The following ARL15 variants were observed in gnomAD, a reference collection of about 807,000 sequenced individuals.
The protein encoded by ARL15 is ADP-ribosylation factor-like protein 15.
ARL15 carries 19 observed loss-of-function variants against 25.2 expected under a neutral mutation model. The observed-to-expected ratio is 0.75, with a 90% confidence interval of 0.53 to 1.10. ARL15 has a LOEUF of 1.10. Among genes scored for constraint, ARL15 ranks in the 50% least tolerant of loss-of-function variants. The pLI, the probability that ARL15 is intolerant of heterozygous loss-of-function variation, is 0.00. For missense variants in ARL15, 220 were observed against 246.0 expected (o/e 0.89, Z 0.71); for synonymous variants, 94 against 86.8 (o/e 1.08, Z -0.46).
intron 4 of ARL15, among the ~76,000 whole-genome samples, chr5:53,986,483 G>T (rs986911472): frequency 1.3e-5 from 2 of 152,172 alleles, no homozygotes; most frequent in Non-Finnish European, 2.9e-5. Flanking sequence ...AATGTAGACT[G>T]CCAGCCTCCA....
At chr5:53,908,068 T>C (rs1321474571) in intron 4 of ARL15, among the ~76,000 whole-genome samples, 2 of 152,218 alleles carry the variant, frequency 1.3e-5, no homozygotes, top group African/African-American at 4.8e-5. Context: ...AGTTTCGCTT[T>C]CCGTGGTTTC....
At chr5:54,005,423 T>G (rs987949190) in intron 4 of ARL15, among the ~76,000 whole-genome samples, 11 of 152,140 alleles carry the variant, frequency 7.2e-5, no homozygotes, top group African/African-American at 2.7e-4. Context: ...TTTAACACTT[T>G]TAAGAATGCT....
At chr5:54,113,045 A>G (rs1308402791) in intron 4 of ARL15, 157 bp downstream of exon 4, 2 of 697,870 alleles carry the variant, frequency 2.9e-6, no homozygotes, top group African/African-American at 3.6e-5. Context: ...GTGCTAACAG[A>G]TTGATATAGG....
At chr5:54,286,010 T>C (rs16882580) in intron 1 of ARL15, among the ~76,000 whole-genome samples, 9,617 of 152,252 alleles carry the variant, frequency 0.063, 368 homozygotes, top group African/African-American at 0.096. Flanking sequence ...ACTTCAGAAC[T>C]GGCATCTCCT....
intron 4 of ARL15, among the ~76,000 whole-genome samples, chr5:53,980,864 C>T (rs1208277284): frequency 6.6e-6 from 1 of 152,096 alleles, no homozygotes; most frequent in African/African-American, 2.4e-5. Context: ...TCTTGCAGTC[C>T]CAGCTACTTG....
intron 1 of ARL15, among the ~76,000 whole-genome samples, chr5:54,210,439 A>G (rs1290250647): frequency 6.6e-6 from 1 of 152,208 alleles, no homozygotes; most frequent in Non-Finnish European, 1.5e-5. Context: ...GGCTTCACTC[A>G]TTACGTTATT....
At chr5:53,945,917 A>G (rs1047182238) in intron 4 of ARL15, among the ~76,000 whole-genome samples, 2 of 152,232 alleles carry the variant, frequency 1.3e-5, no homozygotes, top group Non-Finnish European at 2.9e-5. Context: ...GGTACCCAGC[A>G]TCAGACAGCA....
At chr5:54,230,638 T>C (rs954748264) in intron 1 of ARL15, among the ~76,000 whole-genome samples, 1 of 152,178 alleles carries the variant, frequency 6.6e-6, no homozygotes, top group African/African-American at 2.4e-5. Context: ...AGGTGTCATC[T>C]GGACCCTCTC....
intron 1 of ARL15, among the ~76,000 whole-genome samples, chr5:54,181,413 C>A (rs543819312): frequency 1.1e-4 from 16 of 152,226 alleles, no homozygotes; most frequent in African/African-American, 3.6e-4. Flanking sequence ...CAGTTTCAGA[C>A]CATGTACTAT....
chr5:54,154,424 C>G (rs866752641), intron 3 of ARL15, 156 bp downstream of exon 3: 4 of 543,530 alleles, frequency 7.4e-6, no homozygotes, highest in Non-Finnish European at 1.2e-5. Flanking sequence ...TTAAAACATA[C>G]GAAGAGAAGG....
At chr5:54,207,411 C>T (rs1755901120) in intron 1 of ARL15, among the ~76,000 whole-genome samples, 1 of 152,174 alleles carries the variant, frequency 6.6e-6, no homozygotes, top group Non-Finnish European at 1.5e-5. Context: ...CTTATTCCTG[C>T]TCTACAGAAT....
chr5:53,958,125 G>A (rs577024925), intron 4 of ARL15, among the ~76,000 whole-genome samples: 10 of 151,702 alleles, frequency 6.6e-5, no homozygotes, highest in Non-Finnish European at 1.0e-4. Context: ...CAGGAGAATC[G>A]CTTGAGCCTG....
intron 3 of ARL15, among the ~76,000 whole-genome samples, chr5:54,119,867 T>C (rs763866926): frequency 5.3e-5 from 8 of 152,190 alleles, no homozygotes; most frequent in Non-Finnish European, 1.0e-4. Flanking sequence ...CACCAAGCTT[T>C]ACCTGATCTT....
At chr5:53,996,278 G>A (rs531905547) in intron 4 of ARL15, among the ~76,000 whole-genome samples, 7 of 152,192 alleles carry the variant, frequency 4.6e-5, no homozygotes, top group East Asian at 3.9e-4. Flanking sequence ...GACGAAATGC[G>A]AGTACCAGAA....
At chr5:54,209,755 T>C (rs531369475) in intron 1 of ARL15, among the ~76,000 whole-genome samples, 12 of 152,290 alleles carry the variant, frequency 7.9e-5, no homozygotes, top group Admixed American at 5.9e-4. Flanking sequence ...ACATGCTGTA[T>C]AAAGAGACTA....
intron 4 of ARL15, among the ~76,000 whole-genome samples, chr5:53,967,656 T>C (rs1030573179): frequency 6.6e-6 from 1 of 152,170 alleles, no homozygotes; most frequent in Non-Finnish European, 1.5e-5. Flanking sequence ...GGGTGCTGGA[T>C]ACACAGAGCT....
chr5:54,094,248 C>T (rs919749161), intron 4 of ARL15, among the ~76,000 whole-genome samples: 1 of 152,038 alleles, frequency 6.6e-6, no homozygotes, highest in Non-Finnish European at 1.5e-5. Context: ...TTAAAAATTG[C>T]CATATTTTCC....
chr5:54,109,292 T>C (rs528834004), intron 4 of ARL15, among the ~76,000 whole-genome samples: 3 of 152,096 alleles, frequency 2.0e-5, no homozygotes, highest in South Asian at 2.1e-4. Flanking sequence ...ATAGAAAATA[T>C]TCAACAAATA....
intron 3 of ARL15, among the ~76,000 whole-genome samples, chr5:54,134,617 GCTCT>G (rs1300495166): frequency 1.9e-5 from 2 of 105,810 alleles, no homozygotes; most frequent in Non-Finnish European, 3.4e-5. Flanking sequence ...ACAGAGTCTT[GCTCT>G]CTCGCCAGGC....
Sources: allele counts gnomAD v4.1 joint callset (sites outside exome capture counted in the v4.1 genomes callset), GRCh38; gene constraint gnomAD v4.1.1; transcripts MANE v1.5; gene names NCBI Gene and HGNC (gene_info 2026-07-23, HGNC 2026-07-21).